HAT1: variants seen among roughly 807,000 people sequenced by gnomAD.
HAT1 encodes histone acetyltransferase 1.
A neutral mutation model predicts 56.6 loss-of-function variants in HAT1; 20 were observed. The observed-to-expected ratio is 0.35, with a 90% confidence interval of 0.25 to 0.51. The LOEUF (loss-of-function observed/expected upper bound fraction) is 0.51, where lower values mean the gene tolerates loss of function less well. HAT1 is among the 20% of genes least tolerant of loss of function. HAT1 has a pLI of 0.95. For synonymous variants in HAT1, 146 were observed against 165.5 expected (o/e 0.88, Z 0.91); for missense variants, 408 against 504.3 (o/e 0.81, Z 1.83).
intron 8 of HAT1, among the ~76,000 whole-genome samples, chr2:171,972,070 A>G (rs1687827680): frequency 6.6e-6 from 1 of 152,166 alleles, no homozygotes; most frequent in South Asian, 2.1e-4. Flanking sequence ...CCTACTGTGT[A>G]ATGTACCTGA....
chr2:171,974,173 C>CAAAAAAAAAAAAAAAAAAAA (rs1183466393), intron 8 of HAT1, among the ~76,000 whole-genome samples: 9 of 45,498 alleles, frequency 2.0e-4, no homozygotes, highest in Admixed American at 3.1e-4. Flanking sequence ...GACCCTGTCT[C>CAAAAAAAAAAAAAAAAAAAA]AAAAAAAAAA....
In HAT1 at chr2:171,966,506, C is replaced by T. The variant is rs945673208; in HGVS notation, c.709C>T (p.Arg237Cys). The stretch of plus-strand genomic sequence containing the variant: ...TGTGTACCCAGACAAAACCCGGCCA[C>T]GTGTAAGGTAATTGGCAGTATAACA... Reference protein sequence around the residue: ...YYVYPDKTRPRVSQMLILTPF... With the variant: ...YYVYPDKTRPCVSQMLILTPF... The change falls in exon 7 of 11, where the codon CGT becomes TGT. Residue 237 changes from arginine (R) to cysteine (C), a missense_variant. Physicochemically the swap from Arg to Cys is radical, Grantham distance 180. Transcript: ENST00000264108. The T allele has an allele frequency of 7.4e-6, 11 of 1,496,344 alleles. No individual in the cohort carries two copies. Among genetic ancestry groups the T allele is most frequent in the Admixed American group, 3.3e-5 (2 of 59,840 alleles). The allele number at this position is 1,496,344 out of a possible 1,614,324, so 92.7% of individuals were successfully genotyped here.
At chr2:171,925,892 A>G (rs905755838) in intron 2 of HAT1, among the ~76,000 whole-genome samples, 3 of 152,200 alleles carry the variant, frequency 2.0e-5, no homozygotes, top group Non-Finnish European at 2.9e-5. Context: ...AAGTATATAT[A>G]GTTTTAGCCT....
chr2:171,976,282 G>A lies in HAT1; in HGVS notation c.949G>A (p.Ala317Thr). The change falls in exon 9 of 11, where the codon GCA (alanine) becomes ACA (threonine). Residue 317 changes from alanine to threonine, a missense_variant. Transcript: ENST00000264108. The part of the protein sequence containing the change: ...QGFNEDMVIE[A>T]QQKFKINKQH... The stretch of plus-strand genomic sequence containing the variant: ...ATTCAATGAAGATATGGTGATAGAG[G>A]CACAACAGAAGTTCAAAATAAATAA... 1.3e-6 allele frequency: 2 copies of A among 1,577,004 alleles called. No individual in the cohort carries two copies. The highest frequency in any genetic ancestry group is 1.7e-6 in the Non-Finnish European group (2 of 1,159,382).
At chr2:171,978,656 C>T (rs987994988) in intron 9 of HAT1, among the ~76,000 whole-genome samples, 20 of 152,134 alleles carry the variant, frequency 1.3e-4, no homozygotes, top group Admixed American at 9.8e-4. Flanking sequence ...ATGCCCTCAT[C>T]GTTTTTTATG....
intron 4 of HAT1, among the ~76,000 whole-genome samples, chr2:171,957,344 G>A (rs531469920): frequency 1.3e-5 from 2 of 152,194 alleles, no homozygotes; most frequent in Non-Finnish European, 2.9e-5. Flanking sequence ...TTTTGAAATT[G>A]CTTGGTGGCA....
At chr2:171,944,141 C>T (rs1419142748) in intron 2 of HAT1, among the ~76,000 whole-genome samples, 1 of 115,364 alleles carries the variant, frequency 8.7e-6, no homozygotes, top group African/African-American at 2.8e-5. Context: ...GAAACCCTGT[C>T]TCAAAAAAAA....
intron 4 of HAT1, among the ~76,000 whole-genome samples, chr2:171,953,358 A>G (rs531432728): frequency 6.6e-6 from 1 of 152,144 alleles, no homozygotes; most frequent in Admixed American, 6.6e-5. Context: ...AAACAAAACA[A>G]ACAAACAATA....
intron 8 of HAT1, among the ~76,000 whole-genome samples, chr2:171,971,466 T>G (rs1422181027): frequency 6.6e-6 from 1 of 152,172 alleles, no homozygotes; most frequent in Non-Finnish European, 1.5e-5. Context: ...TTGAATAAAT[T>G]GTTGTGTATG....
chr2:171,978,336 C>G (rs1053056688), intron 9 of HAT1, among the ~76,000 whole-genome samples: 19 of 152,162 alleles, frequency 1.2e-4, no homozygotes, highest in African/African-American at 4.3e-4. Context: ...CATGAGCCAC[C>G]ATGTCCAGCC....
At chr2:171,946,170 C>T (rs796384841) in intron 2 of HAT1, among the ~76,000 whole-genome samples, 11 of 152,140 alleles carry the variant, frequency 7.2e-5, no homozygotes, top group African/African-American at 2.2e-4. Context: ...AGGAATTTCC[C>T]CTGTGTATAC....
chr2:171,963,871 A>T (rs1457781787), intron 4 of HAT1, among the ~76,000 whole-genome samples: 3 of 152,202 alleles, frequency 2.0e-5, no homozygotes, highest in Admixed American at 6.5e-5. Context: ...AATGCAGTTT[A>T]TTTGATCTAG....
chr2:171,974,304 A>C (rs755295060), intron 8 of HAT1, among the ~76,000 whole-genome samples: 42 of 151,008 alleles, frequency 2.8e-4, no homozygotes, highest in South Asian at 8.3e-4. Flanking sequence ...TACTTTTGTT[A>C]ACTTCATTTG....
At chr2:171,934,751 T>TG (rs1686825314) in intron 2 of HAT1, among the ~76,000 whole-genome samples, 1 of 117,592 alleles carries the variant, frequency 8.5e-6, no homozygotes, top group Non-Finnish European at 1.8e-5. Flanking sequence ...TTAACTAGAG[T>TG]GGGTTTTTTT....
intron 2 of HAT1, among the ~76,000 whole-genome samples, chr2:171,931,120 G>A (rs1165713374): frequency 1.3e-5 from 2 of 152,108 alleles, no homozygotes; most frequent in African/African-American, 4.8e-5. Context: ...GGCTGGGCAT[G>A]GTGGCTCACA....
intron 2 of HAT1, among the ~76,000 whole-genome samples, chr2:171,945,731 C>T (rs1177889401): frequency 6.6e-6 from 1 of 151,234 alleles, no homozygotes; most frequent in Non-Finnish European, 1.5e-5. Context: ...TGCAGTGGCA[C>T]GATCTCGGCT....
chr2:171,951,585 ATTTTTTTTTT>A (rs35551729), intron 3 of HAT1, among the ~76,000 whole-genome samples: 1 of 121,690 alleles, frequency 8.2e-6, no homozygotes, highest in South Asian at 2.6e-4. Flanking sequence ...ACACCTGCCT[ATTTTTTTTTT>A]TTTTTTTTTG....
chr2:171,976,322 G>T lies in HAT1; in HGVS notation c.975+14G>T, dbSNP rs142259709. The T allele has an allele frequency of 1.5e-3, 2,165 of 1,484,164 alleles. 18 individuals are homozygous for T. In the African/African-American group the frequency reaches 0.019, roughly 13 times the overall value. The allele number at this position is 1,484,164 out of a possible 1,614,324, so 91.9% of individuals were successfully genotyped here. On this transcript the variant is annotated intron_variant, in intron 9 of 10. Transcript: ENST00000264108. ...AAAATAAATAAGGTATTTTTATTCTGTAGGAGGAAAACAGATTTAAATTAC... is the reference window on the plus strand; with the variant it reads ...AAAATAAATAAGGTATTTTTATTCTTTAGGAGGAAAACAGATTTAAATTAC...
At chr2:171,931,411 C>T (rs904892911) in intron 2 of HAT1, among the ~76,000 whole-genome samples, 4 of 150,554 alleles carry the variant, frequency 2.7e-5, no homozygotes, top group African/African-American at 9.8e-5. Context: ...GCCATATAGC[C>T]GGGCATGGTG....
Sources: gnomAD v4.1 joint callset for allele counts (sites outside exome capture counted in the v4.1 genomes callset) on GRCh38, gnomAD v4.1.1 for gene constraint, MANE v1.5 for transcripts, NCBI Gene and HGNC (gene_info 2026-07-23, HGNC 2026-07-21) for gene names.